ATG16L1: variants seen among roughly 807,000 people sequenced by gnomAD.
ATG16L1 encodes autophagy-related protein 16-1.
A neutral mutation model predicts 88.5 loss-of-function variants in ATG16L1; 37 were observed. The ratio of observed to expected loss-of-function variants is 0.42; its 90% CI spans 0.32 to 0.55. The LOEUF (loss-of-function observed/expected upper bound fraction) is 0.55, where lower values mean the gene tolerates loss of function less well. ATG16L1 is among the 20% of genes least tolerant of loss of function. The pLI is 0.13. For synonymous variants in ATG16L1, 301 were observed against 281.0 expected (o/e 1.07, Z -0.71); for missense variants, 554 against 752.8 (o/e 0.74, Z 3.09).
In ATG16L1 at chr2:233,274,461, G is replaced by A; in HGVS notation, c.852-215G>A. ...TTTGGAGTCCACAGGTTAGTGTGCA[G>A]GAGAGTAAGGCATGTGCTGGCTCTC... On this transcript the variant is annotated intron_variant, in intron 8 of 17. Transcript: ENST00000392017. 6.1e-6 allele frequency: 3 copies of A among 492,768 alleles called. No individual in the cohort carries two copies. The Admixed American group carries it at 1.0e-4, about 17-fold the overall frequency. The allele number at this position is 492,768 out of a possible 1,614,324, so 30.5% of individuals were successfully genotyped here.
In ATG16L1 at chr2:233,258,461, C is replaced by T. The variant is rs770268526; in HGVS notation, c.209+2266C>T. Among the ~76,000 whole-genome samples the T allele has an allele frequency of 3.5e-4, 53 of 152,136 alleles. 1 individual carries two copies. The highest frequency in any genetic ancestry group is 6.2e-4 in the Non-Finnish European group (42 of 68,022). On this transcript the variant is annotated intron_variant, in intron 2 of 17. Transcript: ENST00000392017. ...CTTGCTTTGTAACAGTTCAGGAGAT[C>T]CTGCCTGGCTGTGGCCCTGGGAGGC...
chr2:233,274,483 T>G, intron 8 of ATG16L1, 193 bp from the exon 9 acceptor site: 1 of 511,390 alleles, frequency 2.0e-6, no homozygotes, highest in Non-Finnish European at 3.5e-6. Context: ...ATGTGCTGGC[T>G]CTCTTTCTCA....
Position 233,253,356 on chromosome 2 carries a change from T to G in ATG16L1, c.115+1414T>G, listed in dbSNP as rs192543299. Among the ~76,000 whole-genome samples the G allele has an allele frequency of 5.9e-4, 84 of 143,470 alleles. 4 individuals carry two copies. The highest frequency in any genetic ancestry group is 2.0e-3 in the African/African-American group (77 of 38,536). 94.1% of individuals were successfully genotyped at this position (143,470 alleles called of 152,430 possible). A position where few individuals can be genotyped will look rare whatever the true frequency, so the allele number is the denominator to read the frequency against. On this transcript the variant is annotated intron_variant, in intron 1 of 17. Coordinates refer to ENST00000392017, the MANE Select transcript of ATG16L1 (RefSeq NM_030803.7). ...GGTTTTTTTGTTTTTTTTTTTTTTT[T>G]TTTTTGGAGACAGAGTCTTGCTCTG...
At position 233,293,445 on chromosome 2, in the gene ATG16L1, C is replaced by T. The variant is rs1297685311; in HGVS notation, c.1730+88C>T. The stretch of plus-strand genomic sequence containing the variant: ...GGGGTCATCCGGTTTAGACCTCAGT[C>T]GGCGCTGTGAGGGCACTGTCCGCCC... On this transcript the variant is annotated intron_variant, in intron 17 of 17. Coordinates refer to ENST00000392017, the MANE Select transcript of ATG16L1 (RefSeq NM_030803.7). 1.1e-5 allele frequency: 14 copies of T among 1,265,616 alleles called. No individual in the cohort carries two copies. The Admixed American group carries it at 1.2e-4, about 11-fold the overall frequency. 78.4% of individuals were successfully genotyped at this position (1,265,616 alleles called of 1,614,324 possible).
At chr2:233,281,775 C>T (rs1337788568) in intron 11 of ATG16L1, among the ~76,000 whole-genome samples, 2 of 152,178 alleles carry the variant, frequency 1.3e-5, no homozygotes, top group Non-Finnish European at 2.9e-5. Context: ...AGGTAGCGTC[C>T]TCATCTACCA....
At chr2:233,260,915 G>A (rs374625477) in intron 2 of ATG16L1, among the ~76,000 whole-genome samples, 26 of 152,058 alleles carry the variant, frequency 1.7e-4, no homozygotes, top group Middle Eastern at 3.4e-3. Context: ...ACTTTCCATC[G>A]TCACTCTTTG....
At chr2:233,263,866 G>A (rs576187709) in intron 3 of ATG16L1, 126 bp from the exon 4 acceptor site, 12 of 790,246 alleles carry the variant, frequency 1.5e-5, no homozygotes, top group South Asian at 1.5e-4. Flanking sequence ...CCCCATAGGC[G>A]CCTCGGCTCC....
At chr2:233,289,408 T>TGTGTGTGTGAGAGAGA (rs144316394) in intron 12 of ATG16L1, among the ~76,000 whole-genome samples, 165 of 149,652 alleles carry the variant, frequency 1.1e-3, no homozygotes, top group African/African-American at 3.9e-3. Flanking sequence ...TGTGTGTGTG[T>TGTGTGTGTGAGAGAGA]GACAGGATCT....
At chr2:233,263,370 G>C in intron 3 of ATG16L1, 135 bp downstream of exon 3, 1 of 712,970 alleles carries the variant, frequency 1.4e-6, no homozygotes, top group Non-Finnish European at 2.3e-6. Context: ...CCCTCCATAG[G>C]AATAAAAGGG....
chr2:233,263,081 C>A (rs1246504857), intron 2 of ATG16L1, 49 bp from the exon 3 acceptor site: 2 of 1,512,832 alleles, frequency 1.3e-6, no homozygotes, highest in African/African-American at 2.8e-5. Context: ...TCATTTTTCC[C>A]CCTCCGTTTT....
At chr2:233,263,779 G>T (rs535571404) in intron 3 of ATG16L1, among the ~76,000 whole-genome samples, 37 of 152,176 alleles carry the variant, frequency 2.4e-4, no homozygotes, top group Non-Finnish European at 4.7e-4. Context: ...CAAGCCCCTG[G>T]CAGTCACCTG....
intron 5 of ATG16L1, among the ~76,000 whole-genome samples, chr2:233,269,464 T>G (rs1697832656): frequency 2.0e-5 from 3 of 152,204 alleles, no homozygotes; most frequent in Non-Finnish European, 4.4e-5. Flanking sequence ...AAGTACTCAT[T>G]GGAGCACTTC....
chr2:233,253,450 A>T (rs1402191507), intron 1 of ATG16L1, among the ~76,000 whole-genome samples: 2 of 148,488 alleles, frequency 1.3e-5, no homozygotes, highest in African/African-American at 5.0e-5. Flanking sequence ...GGTTCAAGAG[A>T]TCCTCCTGCC....
intron 15 of ATG16L1, 41 bp from the exon 16 acceptor site, chr2:233,292,346 C>A (rs1574909605): frequency 1.2e-6 from 2 of 1,614,196 alleles, no homozygotes; most frequent in Non-Finnish European, 1.7e-6. Context: ...TGCTGCGTGG[C>A]CTGAGCTCCC....
intron 11 of ATG16L1, 135 bp downstream of exon 11, chr2:233,281,310 A>T: frequency 7.3e-6 from 5 of 683,368 alleles, no homozygotes; most frequent in South Asian, 6.3e-5. Flanking sequence ...TTAAAGAAAG[A>T]TGGAAATAGA....
chr2:233,273,009 A>G lies in ATG16L1; in HGVS notation c.751A>G (p.Thr251Ala). ...CATTGTGGATGAAACTTCTGATCAC[A>G]CAGAAGAGACCTCTCCTGTGCGAGC... The part of the protein sequence containing the change: ...EVIVDETSDH[T>A]EETSPVRAIS... Residue 251 changes from threonine to alanine, a missense_variant, in exon 7 of 18, where the codon ACA becomes GCA. Physicochemically the swap from Thr to Ala is moderately conservative, Grantham distance 58. This residue lies in a region of ATG16L1 where 370 missense variants were observed against 509.7 expected (regional missense o/e 0.73). Coordinates refer to ENST00000392017, the MANE Select transcript of ATG16L1 (RefSeq NM_030803.7). 1.2e-6 allele frequency: 2 copies of G among 1,614,112 alleles called. No homozygotes were observed. The highest frequency in any genetic ancestry group is 1.1e-5 in the South Asian group (1 of 91,070).
At chr2:233,263,542 C>G (rs12162308) in intron 3 of ATG16L1, among the ~76,000 whole-genome samples, 66,199 of 151,980 alleles carry the variant, frequency 0.44, 15,120 homozygotes, top group Non-Finnish European at 0.52. Flanking sequence ...CGCTGAAGGC[C>G]TCACTGATGG....
At chr2:233,254,207 C>T (rs993334265) in intron 1 of ATG16L1, among the ~76,000 whole-genome samples, 9 of 152,116 alleles carry the variant, frequency 5.9e-5, no homozygotes, top group African/African-American at 2.2e-4. Context: ...AATAAGAGGT[C>T]ACTTGTGGAG....
chr2:233,255,805 A>G (rs1696736793), intron 1 of ATG16L1, among the ~76,000 whole-genome samples: 1 of 152,204 alleles, frequency 6.6e-6, no homozygotes, highest in South Asian at 2.1e-4. Context: ...TAGATATGTC[A>G]ACTTATGGTA....
Sources: allele counts gnomAD v4.1 joint callset (sites outside exome capture counted in the v4.1 genomes callset), GRCh38; gene constraint gnomAD v4.1.1; regional missense constraint gnomAD v4.1.1; transcripts MANE v1.5; gene names NCBI Gene and HGNC (gene_info 2026-07-23, HGNC 2026-07-21).